The following B3GALT5 variants were observed in gnomAD, a reference collection of about 807,000 sequenced individuals.
B3GALT5 encodes UDP-Gal:betaGlcNAc beta 1,3-galactosyltransferase, polypeptide 5.
For missense variants in B3GALT5, 328 were observed against 396.6 expected (o/e 0.83, Z 1.47); for synonymous variants, 156 against 158.6 (o/e 0.98, Z 0.12).
intron 2 of B3GALT5, among the ~76,000 whole-genome samples, chr21:39,657,061 G>T (rs1050742474): frequency 6.6e-6 from 1 of 152,216 alleles, no homozygotes; most frequent in Non-Finnish European, 1.5e-5. Flanking sequence ...GGAGAAGGGA[G>T]GTCTACACGT....
Position 39,660,585 on chromosome 21 carries a change from T to C in B3GALT5, c.26T>C (p.Met9Thr). ...ATGGCTTTCCCGAAGATGAGATTGA[T>C]GTATATTTGCCTTCTGGTTCTGGGG... The part of the protein sequence containing the change: MAFPKMRL[M>T]YICLLVLGAL... The change falls in exon 4 of 4, where the codon ATG (methionine) becomes ACG (threonine). Residue 9 changes from methionine to threonine, a missense_variant. Coordinates refer to ENST00000684187, the MANE Select transcript of B3GALT5 (RefSeq NM_001356336.2). The C allele has an allele frequency of 1.4e-6, 2 of 1,431,854 alleles. No homozygotes were observed. The highest frequency in any genetic ancestry group is 1.8e-6 in the Non-Finnish European group (2 of 1,089,928). The allele number at this position is 1,431,854 out of a possible 1,614,324, so 88.7% of individuals were successfully genotyped here.
In B3GALT5 at chr21:39,667,806, A is replaced by G. The variant is rs745922098; in HGVS notation, c.*6314A>G. 14 of 152,188 alleles carry G rather than the reference A, an allele frequency of 9.2e-5. No individual in the cohort carries two copies. Among genetic ancestry groups the G allele is most frequent in the Non-Finnish European group, 1.9e-4 (13 of 68,044 alleles). The allele number at this position is 152,188 out of a possible 1,614,324, so 9.4% of individuals were successfully genotyped here. A position where few individuals can be genotyped will look rare whatever the true frequency, so the allele number is the denominator to read the frequency against. ...CCTTGCTTCCAGGGCTGGGCGACCC[A>G]CTTACGGAGGCCCCATTCCATTTAC... On this transcript the variant is annotated 3_prime_UTR_variant, in exon 4 of 4. Transcript: ENST00000684187.
intron 1 of B3GALT5, among the ~76,000 whole-genome samples, chr21:39,634,035 A>C (rs2079209330): frequency 6.6e-6 from 1 of 152,162 alleles, no homozygotes; most frequent in Admixed American, 6.5e-5. Flanking sequence ...ACCACAGTAA[A>C]TTCCTTTTAC....
intron 1 of B3GALT5, among the ~76,000 whole-genome samples, chr21:39,639,572 T>G (rs1174900803): frequency 2.7e-5 from 4 of 150,790 alleles, no homozygotes; most frequent in African/African-American, 9.8e-5. Context: ...CTCCACCTCC[T>G]GGGTTCAAGC....
At chr21:39,650,285 T>A (rs1165825601) in intron 2 of B3GALT5, among the ~76,000 whole-genome samples, 2 of 152,222 alleles carry the variant, frequency 1.3e-5, no homozygotes, top group Non-Finnish European at 2.9e-5. Context: ...TGCCTCAGAA[T>A]GTGACCTTAT....
At chr21:39,655,085 G>C (rs912776720) in intron 2 of B3GALT5, among the ~76,000 whole-genome samples, 5 of 152,192 alleles carry the variant, frequency 3.3e-5, no homozygotes, top group Admixed American at 3.3e-4. Context: ...CCCAAGATCT[G>C]CAGTCAGCAA....
chr21:39,649,211 T>C (rs919061948), intron 2 of B3GALT5, among the ~76,000 whole-genome samples: 1 of 152,202 alleles, frequency 6.6e-6, no homozygotes, highest in Admixed American at 6.5e-5. Context: ...TCTAGACTCA[T>C]GGGCCCGTAA....
chr21:39,641,192 A>G (rs953844261), intron 1 of B3GALT5, among the ~76,000 whole-genome samples: 1 of 152,246 alleles, frequency 6.6e-6, no homozygotes, highest in African/African-American at 2.4e-5. Context: ...AGAGTTATGC[A>G]CTACTACAAA....
At chr21:39,638,726 C>T (rs2079248098) in intron 1 of B3GALT5, among the ~76,000 whole-genome samples, 1 of 152,172 alleles carries the variant, frequency 6.6e-6, no homozygotes, top group Admixed American at 6.5e-5. Flanking sequence ...ACTGGGGCCG[C>T]AGCAGTAAAC....
intron 2 of B3GALT5, among the ~76,000 whole-genome samples, chr21:39,649,354 G>A (rs767225993): frequency 3.9e-5 from 6 of 152,152 alleles, no homozygotes; most frequent in Non-Finnish European, 8.8e-5. Flanking sequence ...TGCACACCGT[G>A]CTGTTTCTGG....
At chr21:39,650,416 C>T (rs1164370685) in intron 2 of B3GALT5, among the ~76,000 whole-genome samples, 1 of 152,176 alleles carries the variant, frequency 6.6e-6, no homozygotes, top group East Asian at 1.9e-4. Context: ...CAGGGCAATA[C>T]CTCACGGAGC....
intron 1 of B3GALT5, among the ~76,000 whole-genome samples, chr21:39,643,630 C>T (rs2079310575): frequency 1.3e-5 from 2 of 152,160 alleles, no homozygotes; most frequent in Admixed American, 1.3e-4. Flanking sequence ...GAAGTGTACC[C>T]ACATTCTCTG....
In B3GALT5 at chr21:39,669,438, G is replaced by C. The variant is rs1400442803; in HGVS notation, c.*7946G>C. 6.6e-6 allele frequency: 1 copy of C among 152,166 alleles called. No homozygotes were observed. The highest frequency in any genetic ancestry group is 2.4e-5 in the African/African-American group (1 of 41,438). The allele number at this position is 152,166 out of a possible 1,614,324, so 9.4% of individuals were successfully genotyped here. On this transcript the variant is annotated 3_prime_UTR_variant, in exon 4 of 4. Coordinates refer to ENST00000684187, the MANE Select transcript of B3GALT5 (RefSeq NM_001356336.2). Reference sequence around the variant, plus strand: ...TATTTATTCATCTGTTGAGTGCTCAGTGCTTTGACCGGGCATCCTGAATGA... The same window carrying C: ...TATTTATTCATCTGTTGAGTGCTCACTGCTTTGACCGGGCATCCTGAATGA...
chr21:39,624,494 G>T (rs1325822833), intron 1 of B3GALT5, among the ~76,000 whole-genome samples: 1 of 152,202 alleles, frequency 6.6e-6, no homozygotes, highest in Non-Finnish European at 1.5e-5. Context: ...GCTTGGTTTT[G>T]TAGGGAGTCT....
chr21:39,645,465 A>G (rs1475979737), intron 1 of B3GALT5, among the ~76,000 whole-genome samples: 1 of 152,104 alleles, frequency 6.6e-6, no homozygotes, highest in Non-Finnish European at 1.5e-5. Context: ...AGCAGGAGGT[A>G]GGGGTTCATG....
At chr21:39,625,743 G>T (rs530503961) in intron 1 of B3GALT5, among the ~76,000 whole-genome samples, 7 of 152,344 alleles carry the variant, frequency 4.6e-5, no homozygotes, top group African/African-American at 1.7e-4. Flanking sequence ...GAAGGGGCAT[G>T]GTTAGGGAAA....
chr21:39,633,092 C>G (rs907717020), intron 1 of B3GALT5, among the ~76,000 whole-genome samples: 1 of 152,016 alleles, frequency 6.6e-6, no homozygotes, highest in Non-Finnish European at 1.5e-5. Context: ...TAATAGAAGG[C>G]TAAGTGATTT....
intron 3 of B3GALT5, 97 bp downstream of exon 3, chr21:39,660,009 A>G (rs2079494430): frequency 1.4e-6 from 1 of 702,134 alleles, no homozygotes; most frequent in Admixed American, 6.3e-5. Flanking sequence ...GGAAAGAATC[A>G]GATCAGAGAC....
chr21:39,648,662 G>A (rs577446673), intron 2 of B3GALT5, among the ~76,000 whole-genome samples: 1 of 152,168 alleles, frequency 6.6e-6, no homozygotes, highest in Non-Finnish European at 1.5e-5. Context: ...TATACAGCAG[G>A]TGCTCAATAA....
Sources: allele counts gnomAD v4.1 joint callset (sites outside exome capture counted in the v4.1 genomes callset), GRCh38; gene constraint gnomAD v4.1.1; transcripts MANE v1.5; gene names NCBI Gene and HGNC (gene_info 2026-07-23, HGNC 2026-07-21).